STPG3: variants seen among roughly 807,000 people sequenced by gnomAD.
STPG3 encodes protein STPG3.
STPG3 carries 39 observed loss-of-function variants against 32.5 expected under a neutral mutation model. That is an observed-to-expected ratio of 1.20 (90% CI 0.93 to 1.57). The LOEUF (loss-of-function observed/expected upper bound fraction) is 1.57. Among genes scored for constraint, STPG3 ranks in the 40% most tolerant of loss-of-function variants. The pLI is 0.00. For missense variants in STPG3, 507 were observed against 407.6 expected, an observed-to-expected ratio of 1.24 and a Z score of -2.10; for synonymous variants, 209 against 172.4, an observed-to-expected ratio of 1.21 and a Z score of -1.66.
At position 137,252,978 on chromosome 9, in the gene STPG3, GGA is replaced by G; in HGVS notation, c.796+18_796+19del. The stretch of plus-strand genomic sequence containing the variant: ...TGGCTCAGCACCTGTAAGGAGGCCT[GGA>G]GAGAAGAGGGCTAGGGATGGGGCAT... On this transcript the variant is annotated intron_variant, in intron 5 of 5. Transcript: ENST00000412566. The G allele has an allele frequency of 6.3e-7, 1 of 1,586,748 alleles. No individual in the cohort carries two copies. The highest frequency in any genetic ancestry group is 1.7e-4 in the Middle Eastern group (1 of 5,990).
In STPG3 at chr9:137,252,911, T is replaced by C; in HGVS notation, c.742T>C (p.Ser248Pro). Reference sequence around the variant, plus strand: ...TGGGAGCCGCCTGCAGAGCCCCCGCTCGCCGGCCTTCTCGATGAGCCGCTC... The same window carrying C: ...TGGGAGCCGCCTGCAGAGCCCCCGCCCGCCGGCCTTCTCGATGAGCCGCTC... ...LPGSRLQSPR[S>P]PAFSMSRSPA... Residue 248 changes from serine to proline, a missense_variant, in exon 5 of 6, where the codon TCG becomes CCG. Ser to Pro is a moderately conservative substitution (Grantham distance 74). Coordinates refer to ENST00000412566, the MANE Select transcript of STPG3 (RefSeq NM_001004353.4). 6.3e-7 allele frequency: 1 copy of C among 1,598,762 alleles called. No homozygotes were observed. Among genetic ancestry groups the C allele is most frequent in the Non-Finnish European group, 8.5e-7 (1 of 1,173,424 alleles).
Position 137,252,004 on chromosome 9 carries a change from TG to T in STPG3, c.274del (p.Glu92SerfsTer5). 1 of 1,610,878 alleles carries T rather than the reference TG, an allele frequency of 6.2e-7. No individual in the cohort carries two copies. The highest frequency in any genetic ancestry group is 8.5e-7 in the Non-Finnish European group (1 of 1,178,946). ...TYTQTLRELL[L>X]EQRPLITADL... ...AGAGCTTGCTTCCTGTGGCCAGTGC[TG>T]GAGCAACGCCCCCTGATCACAGCTG... On this transcript the variant is annotated frameshift_variant, in exon 3 of 6. Transcript: ENST00000412566. LOFTEE classifies it high-confidence loss of function.
Position 137,253,134 on chromosome 9 carries a change from C to G in STPG3, c.816C>G (p.Ala272=), listed in dbSNP as rs184975054. ...CGGCAGCCCGAACCCCTGGCCCAGC[C>G]GCCTACCACGTGGAGGACTGCAACT... ...WLSTSRTPGP[A]AYHVEDCNSR... Residue 272 remains alanine (A), a synonymous_variant, in exon 6 of 6, where the codon GCC becomes GCG. Transcript: ENST00000412566. 2 of 1,579,490 alleles carry G rather than the reference C, an allele frequency of 1.3e-6. No homozygotes were observed. Among genetic ancestry groups the G allele is most frequent in the South Asian group, 2.3e-5 (2 of 87,248 alleles).
rs1837360339 is a variant in STPG3, at chr9:137,252,084, G to C, written c.352G>C (p.Glu118Gln). Residue 118 changes from glutamate (E) to glutamine (Q), a missense_variant, in exon 3 of 6, where the codon GAG becomes CAG. Coordinates refer to ENST00000412566, the MANE Select transcript of STPG3 (RefSeq NM_001004353.4). ...RYQVPSPSVR[E>Q]SSPHPHYSIG... The stretch of plus-strand genomic sequence containing the variant: ...CCAGGTGCCGAGCCCGTCCGTACGA[G>C]AGTCCTCCCCACACCCCCACTACAG... The C allele has an allele frequency of 6.2e-7, 1 of 1,612,586 alleles. No homozygotes were observed. The highest frequency in any genetic ancestry group is 8.5e-7 in the Non-Finnish European group (1 of 1,179,628).
At chr9:137,253,067 A>C (rs1346590483) in intron 5 of STPG3, 48 bp from the exon 6 acceptor site, 1 of 1,541,250 alleles carries the variant, frequency 6.5e-7, no homozygotes, top group East Asian at 2.3e-5. Context: ...GCCAGGTTTG[A>C]GTTGGGGCTG....
intron 4 of STPG3, 36 bp downstream of exon 4, chr9:137,252,561 C>A (rs1478856477): frequency 1.5e-6 from 2 of 1,333,278 alleles, no homozygotes; most frequent in Admixed American, 4.4e-5. Context: ...GGGGAGTCCA[C>A]GCAGGCAGGG....
rs1253302050 is a variant in STPG3, at chr9:137,251,824, T to A, written c.197T>A (p.Val66Asp). 6.2e-7 allele frequency: 1 copy of A among 1,605,228 alleles called. No individual in the cohort carries two copies. The highest frequency in any genetic ancestry group is 1.1e-5 in the South Asian group (1 of 89,396). ...CCCCCAAAGATGAAGGAGATCCCAGTTGGCCTCAGGTTACAGACGGGCACC... is the reference window on the plus strand; with the variant it reads ...CCCCCAAAGATGAAGGAGATCCCAGATGGCCTCAGGTTACAGACGGGCACC... ...TQPPKMKEIP[V>D]GLRLQTGTPQ... Residue 66 changes from valine to aspartate, a missense_variant, in exon 2 of 6, where the codon GTT becomes GAT. Coordinates refer to ENST00000412566, the MANE Select transcript of STPG3 (RefSeq NM_001004353.4).
At chr9:137,252,224 G>A in intron 3 of STPG3, 89 bp downstream of exon 3, 2 of 1,511,032 alleles carry the variant, frequency 1.3e-6, no homozygotes, top group Non-Finnish European at 1.8e-6. Flanking sequence ...AACCCCCACG[G>A]CCTGAGGGCC....
At position 137,252,670 on chromosome 9, in the gene STPG3, G is replaced by C. The variant is rs774770871; in HGVS notation, c.501G>C (p.Ser167=). The change falls in exon 5 of 6, where the codon TCG becomes TCC. Residue 167 remains serine, a synonymous_variant. Coordinates refer to ENST00000412566, the MANE Select transcript of STPG3 (RefSeq NM_001004353.4). ...ADFDQEQKWP[S]PAHYQLLSRP... ...CTCCTACCCCCTCGCAGTGGCCCTC[G>C]CCAGCCCACTACCAGCTGCTCAGCC... 2.6e-6 allele frequency: 4 copies of C among 1,545,408 alleles called. No homozygotes were observed. The Admixed American group carries it at 7.9e-5, about 30-fold the overall frequency.
chr9:137,251,799 C>A lies in STPG3; in HGVS notation c.172C>A (p.Pro58Thr). Residue 58 changes from proline to threonine, a missense_variant, in exon 2 of 6, where the codon CCC (proline) becomes ACC (threonine). Physicochemically the swap from Pro to Thr is conservative, Grantham distance 38. Transcript: ENST00000412566. The stretch of plus-strand genomic sequence containing the variant: ...GGGGATGGCCTGGGATGAGACACAG[C>A]CCCCAAAGATGAAGGAGATCCCAGT... ...EPGMAWDETQ[P>T]PKMKEIPVGL... 1 of 1,597,222 alleles carries A rather than the reference C, an allele frequency of 6.3e-7. No individual in the cohort carries two copies. Among genetic ancestry groups the A allele is most frequent in the Non-Finnish European group, 8.5e-7 (1 of 1,172,236 alleles).
rs201778051 is a variant in STPG3 at position 137,251,777 on chromosome 9, G to A, written c.150G>A (p.Gly50=). The change falls in exon 2 of 6, where the codon GGG becomes GGA. Residue 50 remains glycine, a synonymous_variant. Transcript: ENST00000412566. ...TGCTGTTGTTGGGCCCGGAGCCGGG[G>A]ATGGCCTGGGATGAGACACAGCCCC... ...ASVLLLGPEP[G]MAWDETQPPK... 371 of 1,588,928 alleles carry A rather than the reference G, an allele frequency of 2.3e-4. No homozygotes were observed. Among genetic ancestry groups the A allele is most frequent in the Non-Finnish European group, 2.8e-4 (325 of 1,168,288 alleles).
At chr9:137,252,285 C>T (rs987686234) in intron 3 of STPG3, 150 bp downstream of exon 3, 2 of 1,344,964 alleles carry the variant, frequency 1.5e-6, no homozygotes. Context: ...GTAAGGAGGC[C>T]TGGAGAGAGG....
Position 137,252,257 on chromosome 9 carries a change from C to T in STPG3, c.403+122C>T, listed in dbSNP as rs542399200. ...GCCCCTCCACCCTTCCCTGCGTTCA[C>T]CTCTAGGCTCAGCACCTGTAAGGAG... On this transcript the variant is annotated intron_variant, in intron 3 of 5. Transcript: ENST00000412566. 8.5e-6 allele frequency: 12 copies of T among 1,412,992 alleles called. No homozygotes were observed. The African/African-American group carries it at 8.5e-5, about 10-fold the overall frequency. 87.5% of individuals were successfully genotyped at this position (1,412,992 alleles called of 1,614,324 possible). A position where few individuals can be genotyped will look rare whatever the true frequency, so the allele number is the denominator to read the frequency against.
Position 137,252,419 on chromosome 9 carries a change from T to C in STPG3, c.404-18T>C. 1 of 1,605,706 alleles carries C rather than the reference T, an allele frequency of 6.2e-7. No homozygotes were observed. Among genetic ancestry groups the C allele is most frequent in the Non-Finnish European group, 8.5e-7 (1 of 1,176,098 alleles). On this transcript the variant is annotated intron_variant, in intron 3 of 5. Transcript: ENST00000412566. ...GGTGGGGCTCCCAGCCTTCTCTCTCTCCATCCTCCAACTACAGAGGGCGGT... is the reference window on the plus strand; with the variant it reads ...GGTGGGGCTCCCAGCCTTCTCTCTCCCCATCCTCCAACTACAGAGGGCGGT...
rs1837381076 is a variant in STPG3, at chr9:137,252,347, C to T, written c.404-90C>T. 2.1e-6 allele frequency: 3 copies of T among 1,423,052 alleles called. No homozygotes were observed. The South Asian group carries it at 3.7e-5, about 17-fold the overall frequency. 88.2% of individuals were successfully genotyped at this position (1,423,052 alleles called of 1,614,324 possible). ...CATTGTGAAGACAAGGGTTCAGGGG[C>T]CGAGGGTGGGAACCGGGAGACAGGT... On this transcript the variant is annotated intron_variant, in intron 3 of 5. Coordinates refer to ENST00000412566, the MANE Select transcript of STPG3 (RefSeq NM_001004353.4).
At chr9:137,253,081 C>A in intron 5 of STPG3, 34 bp from the exon 6 acceptor site, 1 of 1,543,256 alleles carries the variant, frequency 6.5e-7, no homozygotes, top group Non-Finnish European at 8.8e-7. Context: ...GGGGCTGCTA[C>A]CTGGGTGGGG....
chr9:137,252,145 C>T lies in STPG3; in HGVS notation c.403+10C>T. ...AAGCACCAGGGCCGAGGTGTGTGTC[C>T]CCTCCCTGAGGCCCAACCACCGGGC... On this transcript the variant is annotated intron_variant, in intron 3 of 5. Transcript: ENST00000412566. 1 of 1,601,622 alleles carries T rather than the reference C, an allele frequency of 6.2e-7. No individual in the cohort carries two copies.
rs370217083 is a variant in STPG3 at position 137,251,697 on chromosome 9, C to T, written c.111-41C>T. The T allele has an allele frequency of 4.8e-4, 734 of 1,543,470 alleles. 1 individual carries two copies. Among genetic ancestry groups the T allele is most frequent in the Non-Finnish European group, 5.7e-4 (657 of 1,144,824 alleles). ...AGGCTGTGGGGCATGTGGCTGGGAGCGGCCGGGGGCTGAGACAGTGGCTGC... is the reference window on the plus strand; with the variant it reads ...AGGCTGTGGGGCATGTGGCTGGGAGTGGCCGGGGGCTGAGACAGTGGCTGC... On this transcript the variant is annotated intron_variant, in intron 1 of 5. Transcript: ENST00000412566.
In STPG3 at chr9:137,252,912, C is replaced by A. The variant is rs778225662; in HGVS notation, c.743C>A (p.Ser248Ter). The change falls in exon 5 of 6, where the codon TCG (serine) becomes TAG (stop). Residue 248 changes from serine (S) to a stop codon, truncating the protein, a stop_gained. Coordinates refer to ENST00000412566, the MANE Select transcript of STPG3 (RefSeq NM_001004353.4). LOFTEE classifies it high-confidence loss of function. ...GGGAGCCGCCTGCAGAGCCCCCGCT[C>A]GCCGGCCTTCTCGATGAGCCGCTCC... ...LPGSRLQSPR[S>*]PAFSMSRSPA... 6.3e-7 allele frequency: 1 copy of A among 1,599,012 alleles called. No individual in the cohort carries two copies. Among genetic ancestry groups the A allele is most frequent in the East Asian group, 2.3e-5 (1 of 44,206 alleles).
Sources: allele counts gnomAD v4.1 joint callset, GRCh38; gene constraint gnomAD v4.1.1; transcripts MANE v1.5; gene names NCBI Gene and HGNC (gene_info 2026-07-23, HGNC 2026-07-21).